The following AKT3 variants were observed in gnomAD, a reference collection of about 807,000 sequenced individuals.
The protein encoded by AKT3 is AKT serine/threonine kinase 3.
In AKT3, 15 loss-of-function variants were observed where a neutral mutation model predicts 65.3. The observed-to-expected ratio is 0.23, with a 90% confidence interval of 0.15 to 0.35. The LOEUF (loss-of-function observed/expected upper bound fraction) is 0.35, where lower values mean the gene tolerates loss of function less well. AKT3 is among the 10% of genes least tolerant of loss of function. The pLI is 1.00. For missense variants in AKT3, 243 were observed against 576.5 expected, an observed-to-expected ratio of 0.42 and a Z score of 5.92; for synonymous variants, 206 against 183.8, an observed-to-expected ratio of 1.12 and a Z score of -0.98.
intron 8 of AKT3, among the ~76,000 whole-genome samples, chr1:243,588,033 T>C (rs1291791335): frequency 2.0e-5 from 3 of 152,144 alleles, no homozygotes; most frequent in African/African-American, 4.8e-5. Flanking sequence ...CATATGATTA[T>C]CCACCTTTTG....
chr1:243,521,259 T>C (rs777654465), intron 12 of AKT3, among the ~76,000 whole-genome samples: 16 of 152,194 alleles, frequency 1.1e-4, no homozygotes, highest in Admixed American at 3.3e-4. Context: ...ACATAGATGT[T>C]TGCAGTAAAG....
At chr1:243,627,521 G>C (rs1470277907) in intron 6 of AKT3, among the ~76,000 whole-genome samples, 1 of 152,156 alleles carries the variant, frequency 6.6e-6, no homozygotes, top group Non-Finnish European at 1.5e-5. Context: ...AAGGGATTCT[G>C]ACTTGATACA....
intron 2 of AKT3, among the ~76,000 whole-genome samples, chr1:243,791,133 T>C (rs1691604451): frequency 6.6e-6 from 1 of 152,122 alleles, no homozygotes. Flanking sequence ...ATTAGCAAAG[T>C]GCAATAAAAC....
intron 2 of AKT3, among the ~76,000 whole-genome samples, chr1:243,730,570 C>T (rs776856967): frequency 1.3e-5 from 2 of 152,186 alleles, no homozygotes; most frequent in Non-Finnish European, 2.9e-5. Context: ...ACACTATAGC[C>T]TTCCTGCCTT....
chr1:243,552,659 G>C, intron 11 of AKT3, 70 bp downstream of exon 11: 1 of 1,387,602 alleles, frequency 7.2e-7, no homozygotes, highest in Non-Finnish European at 1.0e-6. Flanking sequence ...AGTTATATTT[G>C]AATTAATTTC....
chr1:243,539,631 T>C (rs936357973), intron 12 of AKT3, among the ~76,000 whole-genome samples: 4 of 152,148 alleles, frequency 2.6e-5, no homozygotes, highest in African/African-American at 9.7e-5. Context: ...ATTAAAATCA[T>C]ATAAAATATG....
chr1:243,830,893 C>T (rs970832640), intron 2 of AKT3, among the ~76,000 whole-genome samples: 4 of 152,180 alleles, frequency 2.6e-5, no homozygotes, highest in Non-Finnish European at 5.9e-5. Context: ...TCAGGAATAA[C>T]CATTCAGTCA....
chr1:243,631,949 T>C (rs1275306274), intron 6 of AKT3, among the ~76,000 whole-genome samples: 3 of 152,200 alleles, frequency 2.0e-5, no homozygotes, highest in Admixed American at 1.3e-4. Flanking sequence ...TCTCTTGCTA[T>C]TTCTACCACC....
intron 8 of AKT3, among the ~76,000 whole-genome samples, chr1:243,601,521 T>C (rs1392631255): frequency 1.3e-5 from 2 of 152,146 alleles, no homozygotes; most frequent in Non-Finnish European, 2.9e-5. Context: ...CAGTTTTTAA[T>C]GAAGTTGATC....
At chr1:243,611,838 A>G (rs945477941) in intron 8 of AKT3, among the ~76,000 whole-genome samples, 8 of 152,106 alleles carry the variant, frequency 5.3e-5, no homozygotes, top group Admixed American at 2.6e-4. Flanking sequence ...TGCCCATCCC[A>G]TCCTCTCTGC....
At chr1:243,768,633 G>A (rs566326347) in intron 2 of AKT3, among the ~76,000 whole-genome samples, 44 of 151,990 alleles carry the variant, frequency 2.9e-4, no homozygotes, top group Admixed American at 7.2e-4. Context: ...TCAGGAGTTC[G>A]ATACTAACCT....
intron 2 of AKT3, among the ~76,000 whole-genome samples, chr1:243,784,788 T>A (rs114475454): frequency 1.3e-5 from 2 of 151,944 alleles, no homozygotes; most frequent in Non-Finnish European, 2.9e-5. Context: ...CCTCCTGTGC[T>A]CCCCCTCCCA....
intron 2 of AKT3, among the ~76,000 whole-genome samples, chr1:243,706,162 T>C (rs192549420): frequency 6.6e-6 from 1 of 152,188 alleles, no homozygotes; most frequent in East Asian, 1.9e-4. Context: ...ACCACAGAGG[T>C]GGGCAATAAC....
At chr1:243,678,029 A>C (rs1486510563) in intron 3 of AKT3, among the ~76,000 whole-genome samples, 2 of 152,144 alleles carry the variant, frequency 1.3e-5, no homozygotes, top group Non-Finnish European at 2.9e-5. Context: ...CGGAGGTTGC[A>C]GTGAGCCGAG....
intron 12 of AKT3, among the ~76,000 whole-genome samples, chr1:243,530,501 A>G (rs541557689): frequency 2.6e-5 from 4 of 152,318 alleles, no homozygotes; most frequent in Non-Finnish European, 5.9e-5. Flanking sequence ...ACATACCAGA[A>G]TCTCTGGGAC....
rs183052072 is a variant in AKT3, at chr1:243,513,035, A to G, written c.1252-609T>C. Among the ~76,000 whole-genome samples the G allele has an allele frequency of 2.0e-5, 3 of 152,292 alleles. No individual in the cohort carries two copies. In the East Asian group the frequency reaches 5.8e-4, roughly 29 times the overall value. On this transcript the variant is annotated intron_variant, in intron 12 of 13. Transcript: ENST00000673466. ...AGCTTTCATCAGATCCTCAAAGGGG[A>G]CCACAGCCCAGAAGAGATTAAGAGT...
In AKT3 at chr1:243,502,878, G is replaced by A; in HGVS notation, c.*2371C>T. 1 of 233,282 alleles carries A rather than the reference G, an allele frequency of 4.3e-6. No homozygotes were observed. Among genetic ancestry groups the A allele is most frequent in the Non-Finnish European group, 8.5e-6 (1 of 118,044 alleles). The allele number at this position is 233,282 out of a possible 1,614,324, so 14.5% of individuals were successfully genotyped here. ...GCCAAGGTCATGGGAATCACTTTAA[G>A]ATTTGCGGGAGAAAAAACCAAAACA... On this transcript the variant is annotated 3_prime_UTR_variant, in exon 14 of 14. Transcript: ENST00000673466.
intron 1 of AKT3, among the ~76,000 whole-genome samples, chr1:243,847,494 C>T (rs1479778102): frequency 6.6e-6 from 1 of 152,118 alleles, no homozygotes; most frequent in Non-Finnish European, 1.5e-5. Context: ...TCTACAAAAT[C>T]AATTTGTAAA....
At chr1:243,761,630 AG>A (rs2148246094) in intron 2 of AKT3, among the ~76,000 whole-genome samples, 1 of 152,302 alleles carries the variant, frequency 6.6e-6, no homozygotes, top group South Asian at 2.1e-4. Context: ...CCAGTCACAA[AG>A]GGAAAAATAT....
Sources: gnomAD v4.1 joint callset for allele counts (sites outside exome capture counted in the v4.1 genomes callset) on GRCh38, gnomAD v4.1.1 for gene constraint, MANE v1.5 for transcripts, NCBI Gene and HGNC (gene_info 2026-07-23, HGNC 2026-07-21) for gene names.